Variants in SUN2 observed in about 807,000 individuals in gnomAD.
SUN2 encodes the protein SUN domain-containing protein 2.
A neutral mutation model predicts 100.0 loss-of-function variants in SUN2; 60 were observed. The ratio of observed to expected loss-of-function variants is 0.60; its 90% CI spans 0.49 to 0.74. The LOEUF (loss-of-function observed/expected upper bound fraction) is 0.74. Among genes scored for constraint, SUN2 ranks in the 30% least tolerant of loss-of-function variants. The pLI is 0.00. For synonymous variants in SUN2, 367 were observed against 403.3 expected (o/e 0.91, Z 1.08); for missense variants, 834 against 954.6 (o/e 0.87, Z 1.66).
Position 38,737,739 on chromosome 22 carries a change from G to A in SUN2, c.2040+434C>T. On this transcript the variant is annotated intron_variant, in intron 17 of 17. Coordinates refer to ENST00000689035, the MANE Select transcript of SUN2 (RefSeq NM_015374.3). The surrounding 1 kb of genome is among the most constrained non-coding windows in gnomAD (Gnocchi z 4.1). ...AGGAACCAGACTCTCCTGGGGTGGA[G>A]ACTGGGAATCTGCATTTCTAACTGA... is the stretch of plus-strand genomic sequence containing the variant. The A allele has an allele frequency of 2.7e-6, 1 of 371,404 alleles. No individual in the cohort carries two copies. The highest frequency in any genetic ancestry group is 5.3e-6 in the Non-Finnish European group (1 of 188,216). The allele number at this position is 371,404 out of a possible 1,614,324, so 23.0% of individuals were successfully genotyped here. A position where few individuals can be genotyped will look rare whatever the true frequency, so the allele number is the denominator to read the frequency against.
chr22:38,752,565 T>C lies in SUN2; in HGVS notation c.64A>G (p.Ser22Gly). The C allele has an allele frequency of 6.2e-7, 1 of 1,612,670 alleles. No individual in the cohort carries two copies. The highest frequency in any genetic ancestry group is 8.5e-7 in the Non-Finnish European group (1 of 1,179,410). ...SQGDDDGSSS[S>G]GGSSVAGSQS... ...CTCCCAGCCACCGAGCTCCCTCCGC[T>C]GCTGCTGCTGCCGTCATCGTCACCC... The change falls in exon 2 of 18, where the codon AGC becomes GGC. Residue 22 changes from serine (S) to glycine (G), a missense_variant. Ser to Gly is a moderately conservative substitution (Grantham distance 56). This residue lies in a region of SUN2 where 559 missense variants were observed against 597.7 expected (regional missense o/e 0.94). Transcript: ENST00000689035.
At chr22:38,750,123 CCTACAGTCTCTCTGCATGGGCAGGATG>C (rs2092933111) in intron 5 of SUN2, 75 bp downstream of exon 5, 51 of 1,514,336 alleles carry the variant, frequency 3.4e-5, no homozygotes, top group Non-Finnish European at 4.3e-5. Context: ...CCCCAATGGT[CCTACAGTCTCTCTGCATGGGCAGGATG>C]CCCAACTGCA....
In SUN2 at chr22:38,736,028, G is replaced by A. The variant is rs1236519034; in HGVS notation, c.*239C>T. On this transcript the variant is annotated 3_prime_UTR_variant, in exon 18 of 18. Coordinates refer to ENST00000689035, the MANE Select transcript of SUN2 (RefSeq NM_015374.3). ...TATGCTACATATATACACACTCCCA[G>A]GATGGGAAGCAGACGCCACGGGCAC... 2.0e-5 allele frequency: 11 copies of A among 556,110 alleles called. No individual in the cohort carries two copies. The highest frequency in any genetic ancestry group is 3.7e-5 in the Non-Finnish European group (11 of 298,924). 34.4% of individuals were successfully genotyped at this position (556,110 alleles called of 1,614,324 possible).
chr22:38,749,770 T>C lies in SUN2; in HGVS notation c.610A>G (p.Thr204Ala). 1 of 1,614,006 alleles carries C rather than the reference T, an allele frequency of 6.2e-7. No individual in the cohort carries two copies. Among genetic ancestry groups the C allele is most frequent in the Non-Finnish European group, 8.5e-7 (1 of 1,179,952 alleles). The change falls in exon 6 of 18, where the codon ACC (threonine) becomes GCC (alanine). Residue 204 changes from threonine to alanine, a missense_variant. Thr to Ala is a moderately conservative substitution (Grantham distance 58, BLOSUM62 0). Around this residue, in one of 3 missense-constraint regions of SUN2, gnomAD observed 559 missense variants for 597.7 expected, o/e 0.94. Coordinates refer to ENST00000689035, the MANE Select transcript of SUN2 (RefSeq NM_015374.3). ...AASLLDVFVLTRRFSSLKTFL... is the reference protein window; with the variant it reads ...AASLLDVFVLARRFSSLKTFL... Reference sequence around the variant, plus strand: ...CAAGGGTGGAGTCTCGCTCACCTGGTTAAAACGAAGACGTCAAGGAGGGAG... The same window carrying C: ...CAAGGGTGGAGTCTCGCTCACCTGGCTAAAACGAAGACGTCAAGGAGGGAG...
chr22:38,736,971 G>T (rs1450481536), intron 17 of SUN2, among the ~76,000 whole-genome samples: 1 of 152,156 alleles, frequency 6.6e-6, no homozygotes, highest in East Asian at 1.9e-4. Flanking sequence ...AGCCTCCCCA[G>T]TAGCTGGGAC....
Position 38,738,749 on chromosome 22 carries a change from A to T in SUN2, c.1785T>A (p.Asp595Glu), listed in dbSNP as rs770892695. ...AGGCCCAGCAGTTGCCTGGGTGCAC[A>T]TCTGGCTGGAGGAGCAGAAAGTCAT... ...SQSPRVILQP[D>E]VHPGNCWAFQ... Residue 595 changes from aspartate to glutamate, a missense_variant, in exon 16 of 18, where the codon GAT (aspartate) becomes GAA (glutamate). Around this residue, in one of 3 missense-constraint regions of SUN2, gnomAD observed 195 missense variants for 280.2 expected, o/e 0.70. Coordinates refer to ENST00000689035, the MANE Select transcript of SUN2 (RefSeq NM_015374.3). The surrounding 1 kb of genome is among the most constrained non-coding windows in gnomAD (Gnocchi z 6.6). The T allele has an allele frequency of 9.9e-6, 16 of 1,613,156 alleles. No individual in the cohort carries two copies. The Admixed American group carries it at 2.5e-4, about 25-fold the overall frequency.
Position 38,739,076 on chromosome 22 carries a change from C to A in SUN2, c.1664-88G>T. On this transcript the variant is annotated intron_variant, in intron 14 of 17. Coordinates refer to ENST00000689035, the MANE Select transcript of SUN2 (RefSeq NM_015374.3). The surrounding 1 kb of genome is among the most constrained non-coding windows in gnomAD (Gnocchi z 6.7). ...TGGCTGTCTCCTCGCTGAAGGTGGACGGCAGATGCCCCAGGCCTAGCCTTT... is the reference window on the plus strand; with the variant it reads ...TGGCTGTCTCCTCGCTGAAGGTGGAAGGCAGATGCCCCAGGCCTAGCCTTT... The A allele has an allele frequency of 7.7e-7, 1 of 1,303,800 alleles. No individual in the cohort carries two copies. The highest frequency in any genetic ancestry group is 1.1e-6 in the Non-Finnish European group (1 of 924,286). The allele number at this position is 1,303,800 out of a possible 1,614,324, so 80.8% of individuals were successfully genotyped here.
rs372331900 is a variant in SUN2 at position 38,740,314 on chromosome 22, C to A, written c.1309G>T (p.Glu437Ter). 6.2e-7 allele frequency: 1 copy of A among 1,603,974 alleles called. No individual in the cohort carries two copies. The highest frequency in any genetic ancestry group is 1.7e-5 in the Admixed American group (1 of 59,152). The change falls in exon 12 of 18, where the codon GAA (glutamate) becomes TAA (stop). Residue 437 changes from glutamate to a stop codon, truncating the protein, a stop_gained. Transcript: ENST00000689035. LOFTEE classifies it high-confidence loss of function. This position sits in a 1 kb window ranked among gnomAD's most constrained non-coding sequence, Gnocchi z 4.8. ...TGCTGGGGCAGCAGGCCCACTTCTT[C>A]CGCCACCGAGCTCTGCTTCAGTGCC... ...ALALKQSSVA[E>*]EVGLLPQQIQ...
rs1277762037 is a variant in SUN2 at position 38,752,489 on chromosome 22, A to T, written c.122+18T>A. 6.3e-7 allele frequency: 1 copy of T among 1,592,022 alleles called. No homozygotes were observed. Among genetic ancestry groups the T allele is most frequent in the Admixed American group, 1.7e-5 (1 of 59,212 alleles). The stretch of plus-strand genomic sequence containing the variant: ...TTGTGGGGCTGTCAGGGGCCGTGGC[A>T]CTCCCTTGGGTCCCTACCTGAGAGG... On this transcript the variant is annotated intron_variant, in intron 2 of 17. Transcript: ENST00000689035.
Position 38,740,786 on chromosome 22 carries a change from C to G in SUN2, c.1190+221G>C. On this transcript the variant is annotated intron_variant, in intron 11 of 17. Transcript: ENST00000689035. The surrounding 1 kb of genome is among the most constrained non-coding windows in gnomAD (Gnocchi z 4.8). ...ATAAATGAATCCCGGTCCTCTCACA[C>G]AGCCTGCCCCCCGCCCTCAGGACCC... The G allele has an allele frequency of 1.7e-6, 1 of 603,986 alleles. No homozygotes were observed. The allele number at this position is 603,986 out of a possible 1,614,324, so 37.4% of individuals were successfully genotyped here. A position where few individuals can be genotyped will look rare whatever the true frequency, so the allele number is the denominator to read the frequency against.
chr22:38,741,425 G>A (rs2092856639), intron 10 of SUN2, 69 bp downstream of exon 10: 5 of 1,498,608 alleles, frequency 3.3e-6, no homozygotes, highest in African/African-American at 1.4e-5. Context: ...GGGCCGAGGG[G>A]TCCGAGGTGA....
At position 38,745,825 on chromosome 22, in the gene SUN2, A is replaced by G; in HGVS notation, c.686-14T>C. On this transcript the variant is annotated splice_polypyrimidine_tract_variant and intron_variant, in intron 7 of 17. Transcript: ENST00000689035. The stretch of plus-strand genomic sequence containing the variant: ...AATACCAAGCACCTGTGCACAGGGG[A>G]GAGGGTGTTACCCCAGCTGGGCCTC... The G allele has an allele frequency of 6.2e-7, 1 of 1,612,660 alleles. No homozygotes were observed. The highest frequency in any genetic ancestry group is 8.5e-7 in the Non-Finnish European group (1 of 1,179,354).
Position 38,736,939 on chromosome 22 carries a change from G to T in SUN2, c.2041-559C>A, listed in dbSNP as rs143159139. On this transcript the variant is annotated intron_variant, in intron 17 of 17. Transcript: ENST00000689035. ...ACAGTTCACTGCCTCAACCTTCTGGGCTCAAGGGATCCTCCCACCTTAGCC... is the reference window on the plus strand; with the variant it reads ...ACAGTTCACTGCCTCAACCTTCTGGTCTCAAGGGATCCTCCCACCTTAGCC... 967 of 152,416 alleles carry T rather than the reference G, an allele frequency of 6.3e-3. 8 individuals are homozygous for T. The highest frequency in any genetic ancestry group is 0.01 in the Non-Finnish European group (705 of 68,178). 9.4% of individuals were successfully genotyped at this position (152,416 alleles called of 1,614,324 possible).
Position 38,745,734 on chromosome 22 carries a change from T to G in SUN2, c.763A>C (p.Arg255=), listed in dbSNP as rs781191176. 10 of 1,614,054 alleles carry G rather than the reference T, an allele frequency of 6.2e-6. No individual in the cohort carries two copies. In the Admixed American group the frequency reaches 1.7e-4, roughly 27 times the overall value. The part of the protein sequence containing the change: ...LVSWWAAKDS[R]RPDEGWEARD... ...GCTTCCCAGCCCTCATCCGGCCTCC[T>G]GCTGTCCTTCGCTGCCCACCAGGAA... Residue 255 remains arginine (R), a synonymous_variant, in exon 8 of 18, where the codon AGG becomes CGG. Coordinates refer to ENST00000689035, the MANE Select transcript of SUN2 (RefSeq NM_015374.3).
In SUN2 at chr22:38,739,712, TG is replaced by T; in HGVS notation, c.1578+9del. On this transcript the variant is annotated intron_variant, in intron 13 of 17. Coordinates refer to ENST00000689035, the MANE Select transcript of SUN2 (RefSeq NM_015374.3). This position sits in a 1 kb window ranked among gnomAD's most constrained non-coding sequence, Gnocchi z 6.7. ...GGGTGGGTGTGTGGAGAGGGGCATGTGGGCCTCACCTCCTCTGTCACTCCAA... is the reference window on the plus strand; with the variant it reads ...GGGTGGGTGTGTGGAGAGGGGCATGTGGCCTCACCTCCTCTGTCACTCCAA... The T allele has an allele frequency of 6.2e-7, 1 of 1,612,258 alleles. No individual in the cohort carries two copies. Among genetic ancestry groups the T allele is most frequent in the Non-Finnish European group, 8.5e-7 (1 of 1,179,064 alleles).
chr22:38,752,053 C>T (rs1422928576), intron 2 of SUN2, among the ~76,000 whole-genome samples: 2 of 152,220 alleles, frequency 1.3e-5, no homozygotes, highest in Non-Finnish European at 2.9e-5. Context: ...TCGCTCACTG[C>T]AACCTCTGCC....
Position 38,755,114 on chromosome 22 carries a change from A to G in SUN2, c.-38+649T>C, listed in dbSNP as rs1866327199. The G allele has an allele frequency of 2.1e-6, 2 of 968,248 alleles. No homozygotes were observed. Among genetic ancestry groups the G allele is most frequent in the African/African-American group, 1.7e-5 (1 of 57,330 alleles). The allele number at this position is 968,248 out of a possible 1,614,324, so 60.0% of individuals were successfully genotyped here. A position where few individuals can be genotyped will look rare whatever the true frequency, so the allele number is the denominator to read the frequency against. The stretch of plus-strand genomic sequence containing the variant: ...TCCTTTCTCAATTCCGCCCTTCCCC[A>G]TCACAAACATCTCCATCCATCTTCA... On this transcript the variant is annotated intron_variant, in intron 1 of 17. Transcript: ENST00000689035. The surrounding 1 kb of genome is among the most constrained non-coding windows in gnomAD (Gnocchi z 5.7).
In SUN2 at chr22:38,755,433, G is replaced by A; in HGVS notation, c.-38+330C>T. The stretch of plus-strand genomic sequence containing the variant: ...CTGGGAACTGCCTGTCCCTGGAAAC[G>A]GCCTGTCTGGCACAAAACCCGTAGG... On this transcript the variant is annotated intron_variant, in intron 1 of 17. Transcript: ENST00000689035. The surrounding 1 kb of genome is among the most constrained non-coding windows in gnomAD (Gnocchi z 5.7). 1.0e-6 allele frequency: 1 copy of A among 996,088 alleles called. No homozygotes were observed. Among genetic ancestry groups the A allele is most frequent in the Non-Finnish European group, 1.2e-6 (1 of 835,038 alleles). The allele number at this position is 996,088 out of a possible 1,614,324, so 61.7% of individuals were successfully genotyped here. A position where few individuals can be genotyped will look rare whatever the true frequency, so the allele number is the denominator to read the frequency against.
At chr22:38,747,347 AAG>A (rs1491058404) in intron 7 of SUN2, among the ~76,000 whole-genome samples, 12 of 150,472 alleles carry the variant, frequency 8.0e-5, no homozygotes, top group African/African-American at 9.8e-5. Context: ...AAAAAAAAAA[AAG>A]AAGAAGAATC....
Sources: allele counts gnomAD v4.1 joint callset (sites outside exome capture counted in the v4.1 genomes callset), GRCh38; gene constraint gnomAD v4.1.1; regional missense constraint gnomAD v4.1.1; non-coding constraint Gnocchi (gnomAD v3.1); transcripts MANE v1.5; gene names NCBI Gene and HGNC (gene_info 2026-07-23, HGNC 2026-07-21).